Variants in ITFG1 observed in about 807,000 individuals in gnomAD.
ITFG1 encodes the protein T-cell immunomodulatory protein.
A neutral mutation model predicts 81.8 loss-of-function variants in ITFG1; 34 were observed. The ratio of observed to expected loss-of-function variants is 0.42; its 90% CI spans 0.32 to 0.55. The LOEUF (loss-of-function observed/expected upper bound fraction) is 0.55, where lower values mean the gene tolerates loss of function less well. Ranked by LOEUF, ITFG1 falls within the 20% of genes least tolerant of loss-of-function variation. ITFG1 has a pLI of 0.17. For synonymous variants in ITFG1, 285 were observed against 270.6 expected, an observed-to-expected ratio of 1.05 and a Z score of -0.52; for missense variants, 672 against 755.4, an observed-to-expected ratio of 0.89 and a Z score of 1.29.
intron 8 of ITFG1, among the ~76,000 whole-genome samples, chr16:47,349,045 G>C (rs1287676902): frequency 6.6e-6 from 1 of 152,132 alleles, no homozygotes; most frequent in Non-Finnish European, 1.5e-5. Flanking sequence ...TGCCCTAAAA[G>C]AGCTCCTGAA....
At chr16:47,177,142 T>A (rs1965038546) in intron 14 of ITFG1, among the ~76,000 whole-genome samples, 1 of 152,036 alleles carries the variant, frequency 6.6e-6, no homozygotes, top group African/African-American at 2.4e-5. Flanking sequence ...TTTTATTTTT[T>A]AAAATTTTTA....
In ITFG1 at chr16:47,339,242, T is replaced by TA. The variant is rs1232645083; in HGVS notation, c.803-25420dup. Among the ~76,000 whole-genome samples the TA allele has an allele frequency of 1.4e-4, 21 of 152,336 alleles. 1 individual carries two copies. The highest frequency in any genetic ancestry group is 1.1e-3 in the Admixed American group (17 of 15,300). On this transcript the variant is annotated intron_variant, in intron 8 of 17. Coordinates refer to ENST00000320640, the MANE Select transcript of ITFG1 (RefSeq NM_030790.5). The stretch of plus-strand genomic sequence containing the variant: ...ATATCTTGGCTATTGTGAAGAGTGC[T>TA]AAAATAAACATGGGAATGCAGATAT...
intron 12 of ITFG1, among the ~76,000 whole-genome samples, chr16:47,243,844 A>C (rs1230008956): frequency 6.6e-6 from 1 of 152,210 alleles, no homozygotes; most frequent in Non-Finnish European, 1.5e-5. Flanking sequence ...CAGCCTGGCC[A>C]ACATGGTGAA....
At chr16:47,327,521 C>T (rs1367469310) in intron 8 of ITFG1, among the ~76,000 whole-genome samples, 3 of 152,068 alleles carry the variant, frequency 2.0e-5, no homozygotes, top group Non-Finnish European at 4.4e-5. Flanking sequence ...AAGAAACCAC[C>T]ATCAGAGTGA....
chr16:47,417,721 T>C (rs1354815548), intron 6 of ITFG1, among the ~76,000 whole-genome samples: 1 of 152,212 alleles, frequency 6.6e-6, no homozygotes, highest in African/African-American at 2.4e-5. Flanking sequence ...TCATTCTTTT[T>C]TTATGGCAGA....
At chr16:47,385,693 C>G (rs1051014134) in intron 6 of ITFG1, among the ~76,000 whole-genome samples, 4 of 152,222 alleles carry the variant, frequency 2.6e-5, no homozygotes, top group Admixed American at 6.5e-5. Flanking sequence ...CCTCAGTTTT[C>G]TCTGCCTGCT....
At chr16:47,453,274 A>C (rs1276450749) in intron 3 of ITFG1, among the ~76,000 whole-genome samples, 1 of 152,210 alleles carries the variant, frequency 6.6e-6, no homozygotes, top group Non-Finnish European at 1.5e-5. Flanking sequence ...AACATGACTG[A>C]AATTTGGCTC....
At chr16:47,438,292 C>A (rs1969196512) in intron 5 of ITFG1, among the ~76,000 whole-genome samples, 1 of 152,232 alleles carries the variant, frequency 6.6e-6, no homozygotes, top group African/African-American at 2.4e-5. Flanking sequence ...ACAGCAATAA[C>A]CTCTGCAGAC....
chr16:47,425,296 G>T (rs548806862), intron 6 of ITFG1, among the ~76,000 whole-genome samples: 2 of 152,156 alleles, frequency 1.3e-5, no homozygotes, highest in Non-Finnish European at 2.9e-5. Flanking sequence ...CTAAGACCGT[G>T]GGAAAAGCAC....
intron 8 of ITFG1, among the ~76,000 whole-genome samples, chr16:47,317,100 C>T (rs943545193): frequency 2.6e-5 from 4 of 152,126 alleles, no homozygotes; most frequent in Non-Finnish European, 5.9e-5. Flanking sequence ...AAAAATCAGC[C>T]TTTTTCAGGA....
At chr16:47,380,063 A>AG (rs1268693760) in intron 6 of ITFG1, among the ~76,000 whole-genome samples, 3 of 151,804 alleles carry the variant, frequency 2.0e-5, no homozygotes, top group Admixed American at 1.3e-4. Context: ...AAAAAAAAAA[A>AG]AAAAAAGAGG....
intron 8 of ITFG1, among the ~76,000 whole-genome samples, chr16:47,362,200 C>T (rs1968118349): frequency 6.6e-6 from 1 of 152,174 alleles, no homozygotes; most frequent in Non-Finnish European, 1.5e-5. Flanking sequence ...CTCCGGCTCT[C>T]ACCACCTCAT....
At chr16:47,363,301 G>C (rs1968133292) in intron 8 of ITFG1, among the ~76,000 whole-genome samples, 1 of 151,972 alleles carries the variant, frequency 6.6e-6, no homozygotes, top group South Asian at 2.1e-4. Flanking sequence ...TTTTTTCAGA[G>C]GTCTAACTTT....
Position 47,421,303 on chromosome 16 carries a change from CACAT to C in ITFG1, c.655+7497_655+7500del, listed in dbSNP as rs761646520. Among the ~76,000 whole-genome samples the C allele has an allele frequency of 2.5e-3, 369 of 145,134 alleles. 3 individuals carry two copies. The highest frequency in any genetic ancestry group is 0.012 in the South Asian group (59 of 4,756). ...ACACACACACACACACACACACACA[CACAT>C]ACATATTTTTTTTTTCTGAGATGGA... On this transcript the variant is annotated intron_variant, in intron 6 of 17. Transcript: ENST00000320640.
intron 14 of ITFG1, among the ~76,000 whole-genome samples, chr16:47,166,610 G>A (rs935435016): frequency 1.3e-5 from 2 of 152,060 alleles, no homozygotes; most frequent in Non-Finnish European, 1.5e-5. Context: ...GTATTATTAT[G>A]TATACTTCTA....
intron 8 of ITFG1, among the ~76,000 whole-genome samples, chr16:47,340,712 C>A (rs1967769587): frequency 6.6e-6 from 1 of 151,942 alleles, no homozygotes. Context: ...ACACTCAAAT[C>A]AAAAAGGAGA....
chr16:47,431,891 C>T (rs1467864658), intron 5 of ITFG1, among the ~76,000 whole-genome samples: 1 of 152,132 alleles, frequency 6.6e-6, no homozygotes, highest in Admixed American at 6.5e-5. Flanking sequence ...AGTCATTCCC[C>T]TATAATTTCT....
intron 14 of ITFG1, among the ~76,000 whole-genome samples, chr16:47,187,100 G>T (rs910083824): frequency 9.9e-5 from 15 of 151,636 alleles, no homozygotes; most frequent in East Asian, 1.9e-4. Flanking sequence ...CACTGCTCAA[G>T]GAAATAAAAG....
chr16:47,350,557 T>C lies in ITFG1; in HGVS notation c.802+15231A>G, dbSNP rs565878902. ...AATAGACCAATAACAGGCTCTGAAA[T>C]TGAGGCAATAATTAATAGCTTACCA... is the stretch of plus-strand genomic sequence containing the variant. On this transcript the variant is annotated intron_variant, in intron 8 of 17. Coordinates refer to ENST00000320640, the MANE Select transcript of ITFG1 (RefSeq NM_030790.5). 3.3e-5 allele frequency among the ~76,000 whole-genome samples: 5 copies of C among 152,280 alleles called. No homozygotes were observed. In the East Asian group the frequency reaches 9.6e-4, roughly 29 times the overall value.
Sources: allele counts gnomAD v4.1 joint callset (sites outside exome capture counted in the v4.1 genomes callset), GRCh38; gene constraint gnomAD v4.1.1; transcripts MANE v1.5; gene names NCBI Gene and HGNC (gene_info 2026-07-23, HGNC 2026-07-21).